Variants in DCTD observed in about 807,000 individuals in gnomAD.
DCTD encodes the protein deoxycytidylate deaminase.
In DCTD, 23 loss-of-function variants were observed where a neutral mutation model predicts 21.0. That is an observed-to-expected ratio of 1.09 (90% CI 0.79 to 1.55). The LOEUF (loss-of-function observed/expected upper bound fraction) is 1.55. Among genes scored for constraint, DCTD ranks in the 40% most tolerant of loss-of-function variants. DCTD has a pLI of 0.00. For missense variants in DCTD, 224 were observed against 230.0 expected, an observed-to-expected ratio of 0.97 and a Z score of 0.17; for synonymous variants, 71 against 81.1, an observed-to-expected ratio of 0.88 and a Z score of 0.67.
chr4:182,910,545 A>T (rs1737499528), intron 3 of DCTD, among the ~76,000 whole-genome samples: 1 of 152,216 alleles, frequency 6.6e-6, no homozygotes, highest in South Asian at 2.1e-4. Context: ...TCATGAAAAT[A>T]AAAATCTTCC....
chr4:182,915,655 G>C, intron 1 of DCTD, 80 bp from the exon 2 acceptor site: 1 of 1,002,640 alleles, frequency 1.0e-6, no homozygotes, highest in Non-Finnish European at 1.6e-6. Context: ...CAACCACACT[G>C]AACCTTTAAA....
chr4:182,898,293 G>A (rs1269146057), intron 3 of DCTD, among the ~76,000 whole-genome samples: 1 of 152,206 alleles, frequency 6.6e-6, no homozygotes, highest in Non-Finnish European at 1.5e-5. Flanking sequence ...CTGCCAGCGA[G>A]TGTGGACAAA....
chr4:182,894,938 G>A (rs1025129204), intron 3 of DCTD, among the ~76,000 whole-genome samples: 9 of 152,248 alleles, frequency 5.9e-5, no homozygotes, highest in Admixed American at 2.6e-4. Flanking sequence ...GTGCTGACAC[G>A]CACACATGGG....
intron 3 of DCTD, among the ~76,000 whole-genome samples, chr4:182,905,775 C>T (rs547336362): frequency 2.0e-4 from 30 of 152,260 alleles, no homozygotes; most frequent in Admixed American, 7.8e-4. Context: ...TACAGCCAGT[C>T]GGGACTAATC....
Position 182,915,540 on chromosome 4 carries a change from T to C in DCTD, c.29A>G (p.Asp10Gly). The C allele has an allele frequency of 6.2e-7, 1 of 1,613,608 alleles. No homozygotes were observed. The highest frequency in any genetic ancestry group is 8.5e-7 in the Non-Finnish European group (1 of 1,179,486). MSEVSCKKRDDYLEWPEYFM... is the reference protein window; with the variant it reads MSEVSCKKRGDYLEWPEYFM... ...ATACTCTGGCCATTCCAAATAGTCGTCCCGTTTCTTGCAGGAAACTTCACT... is the reference window on the plus strand; with the variant it reads ...ATACTCTGGCCATTCCAAATAGTCGCCCCGTTTCTTGCAGGAAACTTCACT... The change falls in exon 2 of 6, where the codon GAC becomes GGC. Residue 10 changes from aspartate (D) to glycine (G), a missense_variant. Asp to Gly is a moderately conservative substitution (Grantham distance 94, BLOSUM62 -1). Transcript: ENST00000438320.
At chr4:182,914,290 G>T (rs1333525744) in intron 3 of DCTD, among the ~76,000 whole-genome samples, 1 of 152,244 alleles carries the variant, frequency 6.6e-6, no homozygotes, top group Non-Finnish European at 1.5e-5. Context: ...TTACAGGCGT[G>T]AGCCATCGTG....
chr4:182,892,444 G>A (rs1733936211), intron 5 of DCTD, among the ~76,000 whole-genome samples: 1 of 152,074 alleles, frequency 6.6e-6, no homozygotes, highest in African/African-American at 2.4e-5. Context: ...GAGGCAGGCA[G>A]CTCATGAGGT....
At chr4:182,916,498 A>G in intron 1 of DCTD, 2 of 985,668 alleles carry the variant, frequency 2.0e-6, no homozygotes, top group Non-Finnish European at 2.4e-6. Context: ...TTCAGGCTCC[A>G]CACTTTATTT....
At chr4:182,914,827 T>C in intron 3 of DCTD, 96 bp downstream of exon 3, 4 of 1,400,472 alleles carry the variant, frequency 2.9e-6, no homozygotes, top group South Asian at 2.5e-5. Flanking sequence ...CAGTTGTTGA[T>C]GACAAAAGGG....
In DCTD at chr4:182,893,094, T is replaced by C; in HGVS notation, c.395A>G (p.Tyr132Cys). The part of the protein sequence containing the change: ...IKEVIFMSDK[Y>C]HDSDEATAAR... ...AGCAGTTGCCTCGTCACTATCATGG[T>C]ATTTATCAGACATGAAAATCACTTC... The change falls in exon 5 of 6, where the codon TAC becomes TGC. Residue 132 changes from tyrosine (Y) to cysteine (C), a missense_variant. Transcript: ENST00000438320. 6.2e-7 allele frequency: 1 copy of C among 1,611,558 alleles called. No homozygotes were observed. The highest frequency in any genetic ancestry group is 1.1e-5 in the South Asian group (1 of 90,680).
At chr4:182,893,152 C>T in intron 4 of DCTD, 25 bp from the exon 5 acceptor site, 1 of 1,398,504 alleles carries the variant, frequency 7.2e-7, no homozygotes, top group African/African-American at 1.4e-5. Flanking sequence ...TGGGAGCTCC[C>T]TTAGTGTACG....
At chr4:182,893,156 G>C in intron 4 of DCTD, 29 bp from the exon 5 acceptor site, 1 of 1,333,450 alleles carries the variant, frequency 7.5e-7, no homozygotes, top group Non-Finnish European at 1.1e-6. Flanking sequence ...AGCTCCCTTA[G>C]TGTACGCACC....
Position 182,891,454 on chromosome 4 carries a change from TTGC to T in DCTD, c.479_481del (p.Ser160del). 6.2e-7 allele frequency: 1 copy of T among 1,612,022 alleles called. No homozygotes were observed. Among genetic ancestry groups the T allele is most frequent in the Non-Finnish European group, 8.5e-7 (1 of 1,178,232 alleles). On this transcript the variant is annotated inframe_deletion, in exon 6 of 6. Transcript: ENST00000438320. ...AATTGAATCAAAGTCAATGACAATCTTGCTGCACTTCGGTATGAATTTCCTAAA... is the reference window on the plus strand; with the variant it reads ...AATTGAATCAAAGTCAATGACAATCTTGCACTTCGGTATGAATTTCCTAAA...
intron 3 of DCTD, among the ~76,000 whole-genome samples, chr4:182,902,731 GGT>G (rs35317026): frequency 0.33 from 50,331 of 151,986 alleles, 8,570 homozygotes; most frequent in Non-Finnish European, 0.37. Flanking sequence ...AACAGGGCTG[GGT>G]GTGTGGGCTG....
rs115141428 is a variant in DCTD, at chr4:182,899,838, T to C, written c.245-5233A>G. On this transcript the variant is annotated intron_variant, in intron 3 of 5. Coordinates refer to ENST00000438320, the MANE Select transcript of DCTD (RefSeq NM_001921.3). ...TCTTTTGGGTGGTCTGGGGCTTCCA[T>C]GTACCTTTCCTCTATGGGTTAAATA... 9.7e-3 allele frequency among the ~76,000 whole-genome samples: 1,478 copies of C among 152,354 alleles called. 18 individuals carry two copies. Among genetic ancestry groups the C allele is most frequent in the African/African-American group, 0.034 (1,417 of 41,578 alleles).
intron 3 of DCTD, among the ~76,000 whole-genome samples, chr4:182,907,320 T>C (rs866709616): frequency 6.6e-6 from 1 of 152,168 alleles, no homozygotes; most frequent in African/African-American, 2.4e-5. Flanking sequence ...GTATTTTCTG[T>C]AGAGACGGGA....
At chr4:182,911,980 G>T (rs891742772) in intron 3 of DCTD, among the ~76,000 whole-genome samples, 1 of 152,064 alleles carries the variant, frequency 6.6e-6, no homozygotes, top group Non-Finnish European at 1.5e-5. Context: ...TCCAGAACTC[G>T]AGATAATCTC....
intron 3 of DCTD, 94 bp from the exon 4 acceptor site, chr4:182,894,699 A>T (rs1025183265): frequency 2.5e-6 from 2 of 796,824 alleles, no homozygotes; most frequent in Admixed American, 3.6e-5. Context: ...CTCTGAAATA[A>T]CATATAACAG....
Position 182,891,405 on chromosome 4 carries a change from A to C in DCTD, c.531T>G (p.Leu177=), listed in dbSNP as rs1561311041. Residue 177 remains leucine (L), a synonymous_variant, in exon 6 of 6, where the codon CTT becomes CTG. Coordinates refer to ENST00000438320, the MANE Select transcript of DCTD (RefSeq NM_001921.3). ...AGATTGAATGAGATGTAACTCACTG[A>C]AGCTTTTGACTCGGTCTGCTGTTAA... is the stretch of plus-strand genomic sequence containing the variant. ...DSINSRPSQK[L]Q 10 of 1,606,230 alleles carry C rather than the reference A, an allele frequency of 6.2e-6. No individual in the cohort carries two copies. The highest frequency in any genetic ancestry group is 8.5e-6 in the Non-Finnish European group (10 of 1,172,870).
Sources: allele counts gnomAD v4.1 joint callset (sites outside exome capture counted in the v4.1 genomes callset), GRCh38; gene constraint gnomAD v4.1.1; transcripts MANE v1.5; gene names NCBI Gene and HGNC (gene_info 2026-07-23, HGNC 2026-07-21).